The following HDAC4 variants were observed in gnomAD, a reference collection of about 807,000 sequenced individuals.
HDAC4 encodes the protein histone deacetylase 4.
Under a neutral mutation model 135.1 loss-of-function variants are expected in HDAC4, and 16 were observed. The ratio of observed to expected loss-of-function variants is 0.12; its 90% CI spans 0.08 to 0.18. The LOEUF (loss-of-function observed/expected upper bound fraction) is 0.18. Ranked by LOEUF, HDAC4 falls within the 10% of genes least tolerant of loss-of-function variation. The probability of loss-of-function intolerance (pLI) is 1.00; values close to 1 mark genes in which losing one functional copy is unlikely to be tolerated. For missense variants in HDAC4, 1,143 were observed against 1,511.8 expected, an observed-to-expected ratio of 0.76 and a Z score of 4.05; for synonymous variants, 685 against 653.4, an observed-to-expected ratio of 1.05 and a Z score of -0.74.
rs559388367 is a variant in HDAC4, at chr2:239,086,742, C to T, written c.2444+817G>A. Among the ~76,000 whole-genome samples, 33 of 152,330 alleles carry T rather than the reference C, an allele frequency of 2.2e-4. No individual in the cohort carries two copies. In the South Asian group the frequency reaches 4.6e-3, roughly 21 times the overall value. On this transcript the variant is annotated intron_variant, in intron 19 of 26. Transcript: ENST00000543185. ...GAACTTGTATCTGCACTTGTTCTTG[C>T]GTTGCCATCTGACAAACTGCTGCTC...
rs112234499 is a variant in HDAC4 at position 239,141,582 on chromosome 2, C to T, written c.866-1786G>A. Among the ~76,000 whole-genome samples, 26 of 152,288 alleles carry T rather than the reference C, an allele frequency of 1.7e-4. No homozygotes were observed. Among genetic ancestry groups the T allele is most frequent in the African/African-American group, 6.0e-4 (25 of 41,554 alleles). On this transcript the variant is annotated intron_variant, in intron 8 of 26. Coordinates refer to ENST00000543185, the MANE Select transcript of HDAC4 (RefSeq NM_001378414.1). This position sits in a 1 kb window ranked among gnomAD's most constrained non-coding sequence, Gnocchi z 4.9. ...GCATTTCACTCAAGAAAGCAGGACCCGCCTTCTCCAGGCCCCTCCAACTCT... is the reference window on the plus strand; with the variant it reads ...GCATTTCACTCAAGAAAGCAGGACCTGCCTTCTCCAGGCCCCTCCAACTCT...
intron 2 of HDAC4, among the ~76,000 whole-genome samples, chr2:239,265,479 C>G (rs538675370): frequency 3.3e-5 from 5 of 152,360 alleles, no homozygotes; most frequent in African/African-American, 1.2e-4. Flanking sequence ...CCTCCCAGCA[C>G]CACCCCTCTG....
intron 4 of HDAC4, among the ~76,000 whole-genome samples, chr2:239,185,107 TGTG>T (rs2044458797): frequency 6.6e-6 from 1 of 151,450 alleles, no homozygotes; most frequent in East Asian, 2.0e-4. Flanking sequence ...CCCTGGAGGC[TGTG>T]CCCTATGGGT....
At chr2:239,219,742 T>C (rs1292573929) in intron 3 of HDAC4, among the ~76,000 whole-genome samples, 1 of 152,124 alleles carries the variant, frequency 6.6e-6, no homozygotes, top group African/African-American at 2.4e-5. Flanking sequence ...AATCGAGATA[T>C]CGGTATCACA....
At position 239,303,473 on chromosome 2, in the gene HDAC4, C is replaced by G. The variant is rs2052388464; in HGVS notation, c.22+49205G>C. Among the ~76,000 whole-genome samples the G allele has an allele frequency of 6.6e-6, 1 of 152,138 alleles. No homozygotes were observed. Among genetic ancestry groups the G allele is most frequent in the African/African-American group, 2.4e-5 (1 of 41,434 alleles). On this transcript the variant is annotated intron_variant, in intron 2 of 26. Transcript: ENST00000543185. The surrounding 1 kb of genome is among the most constrained non-coding windows in gnomAD (Gnocchi z 5.1). ...GAGAGCGTCACAAGCACCCCACGAA[C>G]AAGACACGGCAGCGTGCTTCCTCGA...
chr2:239,269,287 TCA>T lies in HDAC4; in HGVS notation c.23-32625_23-32624del, dbSNP rs2049929088. Among the ~76,000 whole-genome samples the T allele has an allele frequency of 1.4e-5, 2 of 138,900 alleles. 1 individual carries two copies. The highest frequency in any genetic ancestry group is 1.4e-4 in the Admixed American group (2 of 14,094). 91.1% of individuals were successfully genotyped at this position (138,900 alleles called of 152,430 possible). A position where few individuals can be genotyped will look rare whatever the true frequency, so the allele number is the denominator to read the frequency against. On this transcript the variant is annotated intron_variant, in intron 2 of 26. Transcript: ENST00000543185. ...CACACATTCACACACCCACACACATTCACACACCCACACACATTCACACACCC... is the reference window on the plus strand; with the variant it reads ...CACACATTCACACACCCACACACATTCACACCCACACACATTCACACACCC...
At chr2:239,338,259 T>C (rs1434314590) in intron 2 of HDAC4, among the ~76,000 whole-genome samples, 2 of 152,110 alleles carry the variant, frequency 1.3e-5, no homozygotes, top group East Asian at 1.9e-4. Flanking sequence ...GTGCAGTGAG[T>C]TCCTGGAGGC....
intron 1 of HDAC4, among the ~76,000 whole-genome samples, chr2:239,366,111 C>T (rs111984576): frequency 2.1e-5 from 3 of 142,178 alleles, no homozygotes; most frequent in Non-Finnish European, 4.6e-5. Context: ...GTCAGGGTCA[C>T]GCGTGTGGCA....
intron 2 of HDAC4, among the ~76,000 whole-genome samples, chr2:239,301,979 CACA>C (rs1355772618): frequency 2.6e-5 from 4 of 151,838 alleles, no homozygotes; most frequent in Admixed American, 6.6e-5. Flanking sequence ...AACAAAAAAA[CACA>C]ACAACAACAA....
chr2:239,383,847 A>T (rs769586842), intron 1 of HDAC4, among the ~76,000 whole-genome samples: 2 of 152,236 alleles, frequency 1.3e-5, no homozygotes, highest in Non-Finnish European at 2.9e-5. Flanking sequence ...GACAGGATGA[A>T]GCTCATCCAC....
At chr2:239,107,361 T>C (rs1168818917) in intron 15 of HDAC4, among the ~76,000 whole-genome samples, 2 of 152,224 alleles carry the variant, frequency 1.3e-5, no homozygotes, top group African/African-American at 2.4e-5. Flanking sequence ...TGAGAACAAG[T>C]GAGGCCGCTG....
At chr2:239,089,627 G>A (rs544276919) in intron 18 of HDAC4, 1 of 181,554 alleles carries the variant, frequency 5.5e-6, no homozygotes, top group Non-Finnish European at 1.2e-5. Flanking sequence ...GTGCCCGGTC[G>A]CTATTTTTAA....
intron 5 of HDAC4, among the ~76,000 whole-genome samples, chr2:239,164,331 G>A (rs1374796930): frequency 6.6e-6 from 1 of 152,224 alleles, no homozygotes; most frequent in Non-Finnish European, 1.5e-5. Flanking sequence ...CATCACGCAG[G>A]GACAAAGCCA....
intron 2 of HDAC4, among the ~76,000 whole-genome samples, chr2:239,278,345 TC>T (rs1189098268): frequency 6.6e-6 from 1 of 151,940 alleles, no homozygotes; most frequent in Non-Finnish European, 1.5e-5. Context: ...AAATTGACAA[TC>T]TAATTGGTAA....
Position 239,068,492 on chromosome 2 carries a change from T to C in HDAC4, c.2866A>G (p.Arg956Gly), listed in dbSNP as rs1410902427. 8.1e-6 allele frequency: 13 copies of C among 1,609,800 alleles called. No individual in the cohort carries two copies. Among genetic ancestry groups the C allele is most frequent in the African/African-American group, 1.3e-5 (1 of 74,872 alleles). Reference protein sequence around the residue: ...TPLGGYNLSARCFGYLTKQLM... With the variant: ...TPLGGYNLSAGCFGYLTKQLM... ...AGTCATATGCAGAACCACTTACATC[T>C]GGCGGAGAGGTTGTAGCCCCCAAGA... is the stretch of plus-strand genomic sequence containing the variant. The change falls in exon 23 of 27, where the codon AGA becomes GGA. Residue 956 changes from arginine to glycine, a missense_variant. Coordinates refer to ENST00000543185, the MANE Select transcript of HDAC4 (RefSeq NM_001378414.1). This position sits in a 1 kb window ranked among gnomAD's most constrained non-coding sequence, Gnocchi z 4.4.
At chr2:239,215,788 G>A (rs73003978) in intron 3 of HDAC4, among the ~76,000 whole-genome samples, 3 of 152,332 alleles carry the variant, frequency 2.0e-5, no homozygotes, top group Non-Finnish European at 4.4e-5. Context: ...GCTCCCTGGA[G>A]GACGCGGTCA....
rs1202922314 is a variant in HDAC4, at chr2:239,090,072, T to C, written c.2325A>G (p.Ala775=). 1.2e-6 allele frequency: 2 copies of C among 1,613,716 alleles called. No homozygotes were observed. The highest frequency in any genetic ancestry group is 1.7e-6 in the Non-Finnish European group (2 of 1,180,030). The change falls in exon 18 of 27, where the codon GCA becomes GCG. Residue 775 remains alanine, a synonymous_variant. Transcript: ENST00000543185. ...CCACGCAGCCCACAGCCAGGCGGGCTGCCCCCGCCGAGTGCACCTCGTTCC... is the reference window on the plus strand; with the variant it reads ...CCACGCAGCCCACAGCCAGGCGGGCCGCCCCCGCCGAGTGCACCTCGTTCC... The part of the protein sequence containing the change: ...TIWNEVHSAG[A]ARLAVGCVVE...
At chr2:239,358,476 T>C (rs930582300) in intron 1 of HDAC4, among the ~76,000 whole-genome samples, 2 of 152,242 alleles carry the variant, frequency 1.3e-5, no homozygotes, top group African/African-American at 4.8e-5. Flanking sequence ...CCGGAATCAA[T>C]GGCTTCTCCA....
At chr2:239,241,821 C>T (rs1170441548) in intron 2 of HDAC4, among the ~76,000 whole-genome samples, 12 of 152,132 alleles carry the variant, frequency 7.9e-5, no homozygotes. Context: ...TATCTTTCAC[C>T]ATGGATGGGC....
Sources: allele counts gnomAD v4.1 joint callset (sites outside exome capture counted in the v4.1 genomes callset), GRCh38; gene constraint gnomAD v4.1.1; non-coding constraint Gnocchi (gnomAD v3.1); transcripts MANE v1.5; gene names NCBI Gene and HGNC (gene_info 2026-07-23, HGNC 2026-07-21).